PDE3B: variants seen among roughly 807,000 people sequenced by gnomAD.
PDE3B encodes phosphodiesterase 3B.
In PDE3B, 66 loss-of-function variants were observed where a neutral mutation model predicts 116.8. The ratio of observed to expected loss-of-function variants is 0.56; its 90% CI spans 0.46 to 0.69. The LOEUF is 0.69. Ranked by LOEUF, PDE3B falls within the 30% of genes least tolerant of loss-of-function variation. PDE3B has a pLI of 0.00. For synonymous variants in PDE3B, 595 were observed against 533.6 expected (o/e 1.12, Z -1.59); for missense variants, 1,384 against 1,368.1 (o/e 1.01, Z -0.18).
chr11:14,861,669 C>T (rs1847953325), intron 14 of PDE3B, among the ~76,000 whole-genome samples: 1 of 152,162 alleles, frequency 6.6e-6, no homozygotes, highest in African/African-American at 2.4e-5. Flanking sequence ...CTTGCCCCCT[C>T]AGAAGAAAGA....
intron 4 of PDE3B, among the ~76,000 whole-genome samples, chr11:14,793,126 G>T (rs1288351682): frequency 2.0e-5 from 3 of 152,056 alleles, no homozygotes; most frequent in Non-Finnish European, 2.9e-5. Context: ...TTCAGATCTG[G>T]GATGAGATTT....
intron 1 of PDE3B, among the ~76,000 whole-genome samples, chr11:14,709,019 A>G (rs2133825959): frequency 6.6e-6 from 1 of 152,260 alleles, no homozygotes; most frequent in African/African-American, 2.4e-5. Flanking sequence ...AATACTATCA[A>G]TTCTATGTTG....
rs547646756 is a variant in PDE3B, at chr11:14,706,387, G to A, written c.978+61334G>A. On this transcript the variant is annotated intron_variant, in intron 1 of 15. Transcript: ENST00000282096. Reference sequence around the variant, plus strand: ...GAGCATCTATAATTCAGTTAAGAAGGTGACTGAAAATTGCAGTTTACTGGA... The same window carrying A: ...GAGCATCTATAATTCAGTTAAGAAGATGACTGAAAATTGCAGTTTACTGGA... Among the ~76,000 whole-genome samples the A allele has an allele frequency of 1.2e-3, 180 of 152,016 alleles. 1 individual carries two copies. The highest frequency in any genetic ancestry group is 3.7e-3 in the South Asian group (18 of 4,830).
At chr11:14,878,559 C>A in the PDE3B span, among the ~76,000 whole-genome samples, 1 of 152,094 alleles carries the variant, frequency 6.6e-6, no homozygotes, top group African/African-American at 2.4e-5. Context: ...TATGCTGCAA[C>A]AGAGCCTAAG....
chr11:14,725,289 T>TTTTC (rs201132972), intron 1 of PDE3B, among the ~76,000 whole-genome samples: 73 of 148,496 alleles, frequency 4.9e-4, no homozygotes, highest in South Asian at 4.3e-4. Context: ...CTTTCTTTCT[T>TTTTC]TTTCTTTCTT....
chr11:14,677,431 T>G (rs1015454129), intron 1 of PDE3B, among the ~76,000 whole-genome samples: 2 of 152,238 alleles, frequency 1.3e-5, no homozygotes, highest in African/African-American at 4.8e-5. Flanking sequence ...GTATATGTAA[T>G]GATATCTTTC....
intron 1 of PDE3B, among the ~76,000 whole-genome samples, chr11:14,701,560 C>A (rs1418078946): frequency 6.6e-6 from 1 of 151,486 alleles, no homozygotes; most frequent in African/African-American, 2.4e-5. Flanking sequence ...TAATTTTTTC[C>A]CCATTTCTTA....
the PDE3B span, among the ~76,000 whole-genome samples, chr11:14,893,526 T>A: frequency 6.6e-6 from 1 of 152,018 alleles, no homozygotes. Context: ...GACAGAGAGG[T>A]GTTAGTGGGG....
At chr11:14,842,503 A>C (rs1452765882) in intron 11 of PDE3B, among the ~76,000 whole-genome samples, 3 of 152,204 alleles carry the variant, frequency 2.0e-5, no homozygotes, top group East Asian at 3.8e-4. Context: ...TTAAAGTCTT[A>C]TTAGAAATTT....
At position 14,711,603 on chromosome 11, in the gene PDE3B, A is replaced by C. The variant is rs535908173; in HGVS notation, c.979-60334A>C. Among the ~76,000 whole-genome samples the C allele has an allele frequency of 6.6e-5, 10 of 152,202 alleles. No homozygotes were observed. In the South Asian group the frequency reaches 2.1e-3, roughly 32 times the overall value. ...TGGTGCGGGAGGTGCCGGACTTTGC[A>C]ACAATCATATCTCAAGAGAACTCAC... On this transcript the variant is annotated intron_variant, in intron 1 of 15. Transcript: ENST00000282096.
At chr11:14,895,319 G>A in the PDE3B span, among the ~76,000 whole-genome samples, 1 of 152,208 alleles carries the variant, frequency 6.6e-6, no homozygotes, top group African/African-American at 2.4e-5. Context: ...CATACTGGAG[G>A]CTGAGCTAAA....
At chr11:14,743,775 C>T (rs769464241) in intron 1 of PDE3B, among the ~76,000 whole-genome samples, 1 of 152,184 alleles carries the variant, frequency 6.6e-6, no homozygotes, top group Non-Finnish European at 1.5e-5. Context: ...CACCATTCCT[C>T]ACGGCACAGT....
At chr11:14,803,923 C>G (rs1165580060) in intron 4 of PDE3B, 21 bp from the exon 5 acceptor site, 1 of 1,339,458 alleles carries the variant, frequency 7.5e-7, no homozygotes, top group Non-Finnish European at 1.1e-6. Flanking sequence ...AAAATTTTAA[C>G]CTGTTATTTT....
At chr11:14,656,119 T>C (rs994814371) in intron 1 of PDE3B, among the ~76,000 whole-genome samples, 4 of 152,024 alleles carry the variant, frequency 2.6e-5, no homozygotes, top group Admixed American at 6.6e-5. Flanking sequence ...GCCCTGGTGA[T>C]TGGAAAAAAG....
intron 12 of PDE3B, among the ~76,000 whole-genome samples, chr11:14,849,670 G>A (rs964593989): frequency 4.6e-5 from 7 of 152,068 alleles, no homozygotes; most frequent in Non-Finnish European, 7.4e-5. Flanking sequence ...ATCAACAAGT[G>A]GGCGAAGGAC....
At chr11:14,833,232 C>T (rs1427228609) in intron 10 of PDE3B, among the ~76,000 whole-genome samples, 2 of 152,106 alleles carry the variant, frequency 1.3e-5, no homozygotes, top group Non-Finnish European at 2.9e-5. Flanking sequence ...CGATTATAGA[C>T]GTCAGCTGCC....
chr11:14,790,437 T>C (rs1356262659), intron 4 of PDE3B, among the ~76,000 whole-genome samples: 2 of 151,614 alleles, frequency 1.3e-5, no homozygotes, highest in Non-Finnish European at 2.9e-5. Context: ...CTTGAGAATA[T>C]AGTTGGGTTT....
chr11:14,756,299 A>G (rs551844261), intron 1 of PDE3B, among the ~76,000 whole-genome samples: 17 of 152,298 alleles, frequency 1.1e-4, no homozygotes, highest in Admixed American at 7.2e-4. Flanking sequence ...ATACACTCCA[A>G]TGGACTAGTT....
intron 7 of PDE3B, among the ~76,000 whole-genome samples, chr11:14,820,497 G>A (rs978329002): frequency 6.6e-6 from 1 of 152,056 alleles, no homozygotes; most frequent in Middle Eastern, 3.2e-3. Flanking sequence ...TTTTGGGTGG[G>A]GGTGTTGAGA....
Sources: gnomAD v4.1 joint callset for allele counts (sites outside exome capture counted in the v4.1 genomes callset) on GRCh38, gnomAD v4.1.1 for gene constraint, MANE v1.5 for transcripts, NCBI Gene and HGNC (gene_info 2026-07-23, HGNC 2026-07-21) for gene names.